Variants in SGCZ observed in about 807,000 individuals in gnomAD.
SGCZ encodes sarcoglycan zeta.
In SGCZ, 40 loss-of-function variants were observed where a neutral mutation model predicts 41.3. That is an observed-to-expected ratio of 0.97 (90% CI 0.75 to 1.26). SGCZ has a LOEUF of 1.26. SGCZ is among the 50% of genes most tolerant of loss of function. SGCZ has a pLI of 0.00. For synonymous variants in SGCZ, 206 were observed against 137.5 expected (o/e 1.50, Z -3.49); for missense variants, 552 against 369.8 (o/e 1.49, Z -4.04).
chr8:14,983,721 G>A (rs769614712), intron 1 of SGCZ, among the ~76,000 whole-genome samples: 9 of 152,126 alleles, frequency 5.9e-5, no homozygotes, highest in Non-Finnish European at 1.2e-4. Context: ...TGATGAAGTT[G>A]AGGCTAAGGA....
intron 1 of SGCZ, among the ~76,000 whole-genome samples, chr8:14,586,045 C>A (rs954299828): frequency 4.6e-5 from 7 of 152,022 alleles, no homozygotes; most frequent in Admixed American, 2.6e-4. Flanking sequence ...AACAAAACGT[C>A]CAGCAATACT....
intron 1 of SGCZ, among the ~76,000 whole-genome samples, chr8:15,116,617 G>A (rs1390111186): frequency 6.6e-6 from 1 of 152,184 alleles, no homozygotes; most frequent in African/African-American, 2.4e-5. Flanking sequence ...AGGGCAAAGG[G>A]TATATCCACA....
intron 1 of SGCZ, among the ~76,000 whole-genome samples, chr8:14,691,163 G>T (rs553756192): frequency 6.6e-6 from 1 of 152,112 alleles, no homozygotes; most frequent in East Asian, 1.9e-4. Flanking sequence ...TTTCTTCAAT[G>T]ATGAATGAAG....
At chr8:15,085,614 C>G (rs1216184372) in intron 1 of SGCZ, among the ~76,000 whole-genome samples, 2 of 152,162 alleles carry the variant, frequency 1.3e-5, no homozygotes, top group Non-Finnish European at 2.9e-5. Flanking sequence ...TAACACCTGA[C>G]AGATAATCCC....
chr8:14,595,034 T>C (rs1047712847), intron 1 of SGCZ, among the ~76,000 whole-genome samples: 4 of 152,130 alleles, frequency 2.6e-5, no homozygotes, highest in Middle Eastern at 3.4e-3. Flanking sequence ...CTTCGTCTAA[T>C]ACTTTTTGAA....
intron 1 of SGCZ, among the ~76,000 whole-genome samples, chr8:14,591,078 G>A (rs984539083): frequency 6.6e-6 from 1 of 150,970 alleles, no homozygotes; most frequent in Non-Finnish European, 1.5e-5. Context: ...TAATAAATGA[G>A]AAACAGGACA....
intron 1 of SGCZ, among the ~76,000 whole-genome samples, chr8:14,592,700 T>G (rs1194360712): frequency 6.6e-6 from 1 of 152,202 alleles, no homozygotes; most frequent in East Asian, 1.9e-4. Context: ...ACACTTTTAG[T>G]GGAAAAATTT....
intron 1 of SGCZ, among the ~76,000 whole-genome samples, chr8:14,865,224 C>T (rs1803886681): frequency 1.3e-5 from 2 of 152,222 alleles, no homozygotes; most frequent in Middle Eastern, 3.4e-3. Context: ...CATCTCCTCT[C>T]AACGTCCTGC....
intron 1 of SGCZ, among the ~76,000 whole-genome samples, chr8:14,615,316 A>G (rs183137237): frequency 1.3e-5 from 2 of 152,284 alleles, no homozygotes; most frequent in Middle Eastern, 3.4e-3. Flanking sequence ...CACTCATCAC[A>G]CCAGCCCCAA....
chr8:14,285,314 C>T (rs1340008756), intron 3 of SGCZ, among the ~76,000 whole-genome samples: 6 of 152,026 alleles, frequency 3.9e-5, no homozygotes, highest in Non-Finnish European at 7.4e-5. Context: ...GAGGAGCAAC[C>T]TGTTTGTTTG....
At chr8:14,279,758 A>T (rs1272105099) in intron 3 of SGCZ, among the ~76,000 whole-genome samples, 1 of 152,046 alleles carries the variant, frequency 6.6e-6, no homozygotes, top group Non-Finnish European at 1.5e-5. Flanking sequence ...CAGCCTCATT[A>T]ACAACCATTT....
At chr8:14,944,743 A>T (rs1431139688) in intron 1 of SGCZ, among the ~76,000 whole-genome samples, 6 of 152,184 alleles carry the variant, frequency 3.9e-5, no homozygotes, top group African/African-American at 1.4e-4. Flanking sequence ...TGCAATCTGA[A>T]AGTGCGTCCC....
chr8:14,494,707 A>C (rs77837450), intron 2 of SGCZ, among the ~76,000 whole-genome samples: 3,693 of 152,292 alleles, frequency 0.024, 98 homozygotes, highest in African/African-American at 0.065. Flanking sequence ...GAAAGATAGA[A>C]GATCAGCCTT....
chr8:14,745,408 G>C (rs1413465810), intron 1 of SGCZ, among the ~76,000 whole-genome samples: 1 of 152,058 alleles, frequency 6.6e-6, no homozygotes, highest in Non-Finnish European at 1.5e-5. Flanking sequence ...ATTCCAAAGA[G>C]ATGATATAGG....
At chr8:14,702,621 T>G (rs902889173) in intron 1 of SGCZ, among the ~76,000 whole-genome samples, 6 of 151,872 alleles carry the variant, frequency 4.0e-5, no homozygotes, top group African/African-American at 1.5e-4. Flanking sequence ...TTCTGCATCT[T>G]AATAAAGGAC....
chr8:14,675,551 C>A (rs1808248864), intron 1 of SGCZ, among the ~76,000 whole-genome samples: 1 of 151,990 alleles, frequency 6.6e-6, no homozygotes, highest in Non-Finnish European at 1.5e-5. Context: ...ATAGATTCCT[C>A]AATTTATATG....
intron 1 of SGCZ, among the ~76,000 whole-genome samples, chr8:15,075,704 T>C (rs1805505260): frequency 6.6e-6 from 1 of 152,194 alleles, no homozygotes; most frequent in Non-Finnish European, 1.5e-5. Flanking sequence ...AAGCTACTTA[T>C]ATTTTAAAAA....
At chr8:14,576,452 G>A (rs931479030) in intron 1 of SGCZ, among the ~76,000 whole-genome samples, 5 of 152,202 alleles carry the variant, frequency 3.3e-5, no homozygotes, top group Non-Finnish European at 5.9e-5. Flanking sequence ...ATATGTAGTA[G>A]TGGTAAGAGT....
intron 2 of SGCZ, among the ~76,000 whole-genome samples, chr8:14,445,426 C>T (rs1043921859): frequency 3.9e-5 from 6 of 152,148 alleles, no homozygotes; most frequent in African/African-American, 1.4e-4. Flanking sequence ...AGCTTGACTT[C>T]AGAGGAGAGA....
Sources: gnomAD v4.1 joint callset for allele counts (sites outside exome capture counted in the v4.1 genomes callset) on GRCh38, gnomAD v4.1.1 for gene constraint, MANE v1.5 for transcripts, NCBI Gene and HGNC (gene_info 2026-07-23, HGNC 2026-07-21) for gene names.